Variants in CCDC141 observed in about 807,000 individuals in gnomAD.
CCDC141 encodes coiled-coil domain-containing protein 141.
A neutral mutation model predicts 181.0 loss-of-function variants in CCDC141; 168 were observed. The ratio of observed to expected loss-of-function variants is 0.93; its 90% CI spans 0.82 to 1.05. The LOEUF (loss-of-function observed/expected upper bound fraction) is 1.05, where lower values mean the gene tolerates loss of function less well. Ranked by LOEUF, CCDC141 falls within the 50% of genes least tolerant of loss-of-function variation. The pLI is 0.00. For missense variants in CCDC141, 1,902 were observed against 1,788.5 expected, an observed-to-expected ratio of 1.06 and a Z score of -1.14; for synonymous variants, 666 against 642.3, an observed-to-expected ratio of 1.04 and a Z score of -0.56.
chr2:178,884,633 C>G (rs1176152407), intron 11 of CCDC141, among the ~76,000 whole-genome samples: 1 of 152,176 alleles, frequency 6.6e-6, no homozygotes, highest in East Asian at 1.9e-4. Context: ...TTCCCCAACC[C>G]CCCTTTGGAA....
At chr2:179,039,998 AC>A (rs140031327) in intron 2 of CCDC141, among the ~76,000 whole-genome samples, 2,554 of 152,310 alleles carry the variant, frequency 0.017, 35 homozygotes, top group Non-Finnish European at 0.025. Flanking sequence ...AGATGATAAA[AC>A]TACTAGTTAA....
intron 2 of CCDC141, among the ~76,000 whole-genome samples, chr2:179,009,982 C>G (rs1018121465): frequency 5.9e-5 from 9 of 152,058 alleles, no homozygotes; most frequent in Admixed American, 4.6e-4. Context: ...AAACTTTGGA[C>G]ACACTTTTAG....
At chr2:179,019,172 C>T (rs2042627438) in intron 2 of CCDC141, among the ~76,000 whole-genome samples, 1 of 152,120 alleles carries the variant, frequency 6.6e-6, no homozygotes, top group African/African-American at 2.4e-5. Flanking sequence ...AGACGAAAGT[C>T]TTTTTGGTTC....
At chr2:179,044,160 CACAA>C (rs1350164195) in intron 2 of CCDC141, among the ~76,000 whole-genome samples, 1 of 152,092 alleles carries the variant, frequency 6.6e-6, no homozygotes, top group African/African-American at 2.4e-5. Context: ...TCAGAGATGA[CACAA>C]ACAAATGGAA....
At chr2:179,049,353 T>A (rs1445391198) in intron 1 of CCDC141, among the ~76,000 whole-genome samples, 1 of 152,132 alleles carries the variant, frequency 6.6e-6, no homozygotes, top group Non-Finnish European at 1.5e-5. Flanking sequence ...GTCGGAGCCC[T>A]TTACTTGGTG....
chr2:179,046,355 GAC>G (rs2043497138), intron 2 of CCDC141, among the ~76,000 whole-genome samples: 1 of 152,234 alleles, frequency 6.6e-6, no homozygotes, highest in Admixed American at 6.5e-5. Context: ...AGTCCAATGG[GAC>G]AACAGAGCAA....
intron 2 of CCDC141, among the ~76,000 whole-genome samples, chr2:178,996,649 A>C (rs536823482): frequency 6.6e-6 from 1 of 152,280 alleles, no homozygotes; most frequent in East Asian, 1.9e-4. Flanking sequence ...CAGTGATATA[A>C]AGGCTTTAGG....
intron 21 of CCDC141, among the ~76,000 whole-genome samples, chr2:178,847,333 C>G (rs1182730539): frequency 6.6e-6 from 1 of 152,078 alleles, no homozygotes; most frequent in Non-Finnish European, 1.5e-5. Flanking sequence ...AGTTTGAGAC[C>G]AGCTTGGGCA....
rs1255509633 is a variant in CCDC141, at chr2:178,833,717, G to A, written c.*456C>T. The A allele has an allele frequency of 6.4e-6, 1 of 156,182 alleles. No homozygotes were observed. Among genetic ancestry groups the A allele is most frequent in the African/African-American group, 2.4e-5 (1 of 41,436 alleles). The allele number at this position is 156,182 out of a possible 1,614,324, so 9.7% of individuals were successfully genotyped here. ...TCAAGACATGGAAAGCAAAATTAAA[G>A]GACAGCTAATGCAAAAATACAACAT... On this transcript the variant is annotated 3_prime_UTR_variant, in exon 24 of 24. Coordinates refer to ENST00000443758, the MANE Select transcript of CCDC141 (RefSeq NM_173648.4).
At chr2:178,965,720 ATTC>A (rs1489295503) in intron 4 of CCDC141, among the ~76,000 whole-genome samples, 1 of 152,078 alleles carries the variant, frequency 6.6e-6, no homozygotes, top group African/African-American at 2.4e-5. Context: ...AGCTGCAGGG[ATTC>A]TTTTTTTCCA....
chr2:178,862,851 G>A (rs1160858748), intron 17 of CCDC141, among the ~76,000 whole-genome samples: 1 of 152,120 alleles, frequency 6.6e-6, no homozygotes, highest in East Asian at 1.9e-4. Flanking sequence ...TTGCCTTGAG[G>A]TATTGAGTTC....
chr2:178,998,715 C>T (rs558324068), intron 2 of CCDC141, among the ~76,000 whole-genome samples: 2 of 152,158 alleles, frequency 1.3e-5, no homozygotes, highest in African/African-American at 4.8e-5. Flanking sequence ...TTTCTGCACT[C>T]TTTTACAGAT....
rs1689166548 is a variant in CCDC141, at chr2:178,933,296, T to G, written c.897+11239A>C. Among the ~76,000 whole-genome samples, 3 of 152,228 alleles carry G rather than the reference T, an allele frequency of 2.0e-5. No individual in the cohort carries two copies. In the Middle Eastern group the frequency reaches 0.01, roughly 518 times the overall value. On this transcript the variant is annotated intron_variant, in intron 6 of 23. Coordinates refer to ENST00000443758, the MANE Select transcript of CCDC141 (RefSeq NM_173648.4). ...TAATATAAGACAACAATATAAGAAG[T>G]CATCTATAAAAATTAAGAGGGACAT... is the stretch of plus-strand genomic sequence containing the variant.
chr2:179,045,317 C>A (rs1467715256), intron 2 of CCDC141, among the ~76,000 whole-genome samples: 4 of 135,524 alleles, frequency 3.0e-5, no homozygotes, highest in Non-Finnish European at 4.8e-5. Flanking sequence ...CCAATTTCAT[C>A]CATGTCCCTA....
rs12693170 is a variant in CCDC141 at position 178,872,417 on chromosome 2, C to A, written c.1900-105G>T. ...GCAAATTCTTTATCACAACCAAAGC[C>A]GAAGATGGTTCTGACATCCAAGCAA... is the stretch of plus-strand genomic sequence containing the variant. On this transcript the variant is annotated intron_variant, in intron 12 of 23. Transcript: ENST00000443758. 716,125 of 1,029,580 alleles carry A rather than the reference C, an allele frequency of 0.7. 253,754 individuals carry two copies. The highest frequency in any genetic ancestry group is 0.97 in the East Asian group (36,886 of 37,920). The allele number at this position is 1,029,580 out of a possible 1,614,324, so 63.8% of individuals were successfully genotyped here.
chr2:178,923,265 C>T (rs1376205314), intron 6 of CCDC141, among the ~76,000 whole-genome samples: 1 of 151,468 alleles, frequency 6.6e-6, no homozygotes, highest in African/African-American at 2.4e-5. Context: ...CCACTACGCC[C>T]GGCTAATTTT....
At position 178,885,071 on chromosome 2, in the gene CCDC141, C is replaced by T; in HGVS notation, c.1549G>A (p.Ala517Thr). ...QAKETSHELEAAAKTMMEKNE... is the reference protein window; with the variant it reads ...QAKETSHELETAAKTMMEKNE... ...TTCTCCATCATGGTTTTTGCAGCTG[C>T]TTCTAATTCATGTGATGTCTCCTGT... The change falls in exon 11 of 24, where the codon GCA (alanine) becomes ACA (threonine). Residue 517 changes from alanine to threonine, a missense_variant. Coordinates refer to ENST00000443758, the MANE Select transcript of CCDC141 (RefSeq NM_173648.4). 6.5e-7 allele frequency: 1 copy of T among 1,549,696 alleles called. No individual in the cohort carries two copies. The highest frequency in any genetic ancestry group is 8.7e-7 in the Non-Finnish European group (1 of 1,146,412).
chr2:178,943,634 T>C (rs1689610603), intron 6 of CCDC141, among the ~76,000 whole-genome samples: 1 of 152,148 alleles, frequency 6.6e-6, no homozygotes, highest in African/African-American at 2.4e-5. Flanking sequence ...AATATTAATA[T>C]ACAAAGTTCC....
chr2:178,925,626 G>T (rs1163116260), intron 6 of CCDC141, among the ~76,000 whole-genome samples: 1 of 152,148 alleles, frequency 6.6e-6, no homozygotes, highest in African/African-American at 2.4e-5. Context: ...CTTCTTTAGT[G>T]TCTTGTCCCT....
Sources: allele counts gnomAD v4.1 joint callset (sites outside exome capture counted in the v4.1 genomes callset), GRCh38; gene constraint gnomAD v4.1.1; transcripts MANE v1.5; gene names NCBI Gene and HGNC (gene_info 2026-07-23, HGNC 2026-07-21).